Variants in DSP observed in about 807,000 individuals in gnomAD.
DSP encodes the protein 250/210 kDa paraneoplastic pemphigus antigen.
In DSP, 114 loss-of-function variants were observed where a neutral mutation model predicts 290.6. The ratio of observed to expected loss-of-function variants is 0.39; its 90% CI spans 0.34 to 0.46. The LOEUF is 0.46. DSP is among the 20% of genes least tolerant of loss of function. DSP has a pLI of 0.99. For synonymous variants in DSP, 1,311 were observed against 1,316.4 expected (o/e 1.00, Z 0.09); for missense variants, 3,230 against 3,495.8 (o/e 0.92, Z 1.92).
chr6:7,585,653 C>A lies in DSP; in HGVS notation c.8391C>A (p.Ile2797=), dbSNP rs372909009. The A allele has an allele frequency of 3.7e-6, 6 of 1,614,232 alleles. No individual in the cohort carries two copies. Among genetic ancestry groups the A allele is most frequent in the South Asian group, 1.1e-5 (1 of 91,086 alleles). Residue 2797 remains isoleucine (I), a synonymous_variant, in exon 24 of 24, where the codon ATC becomes ATA. Coordinates refer to ENST00000379802, the MANE Select transcript of DSP (RefSeq NM_004415.4). ...TAAATCGCTCCATGGTAGAAGATATCACTGGGCTGCGCCTTCTGGAAGCCG... is the reference window on the plus strand; with the variant it reads ...TAAATCGCTCCATGGTAGAAGATATAACTGGGCTGCGCCTTCTGGAAGCCG... ...DAINRSMVED[I]TGLRLLEAAS... is the part of the protein sequence containing the mutation.
intron 3 of DSP, 147 bp from the exon 4 acceptor site, chr6:7,559,079 G>T: frequency 1.2e-6 from 1 of 857,666 alleles, no homozygotes; most frequent in Non-Finnish European, 1.8e-6. Flanking sequence ...CTTAAGTCCT[G>T]GGGTAAAGAA....
At chr6:7,574,301 T>C (rs755655811) in intron 16 of DSP, 49 bp downstream of exon 16, 25 of 1,575,630 alleles carry the variant, frequency 1.6e-5, no homozygotes, top group Non-Finnish European at 2.0e-5. Context: ...TCAAGCTTCT[T>C]TTTCTGGGTC....
At chr6:7,554,420 A>G (rs1758442770) in intron 1 of DSP, among the ~76,000 whole-genome samples, 2 of 151,956 alleles carry the variant, frequency 1.3e-5, no homozygotes, top group Admixed American at 1.3e-4. Flanking sequence ...CGCCAACACC[A>G]CCGTTGTTTT....
In DSP at chr6:7,555,797, C is replaced by T. The variant is rs768521444; in HGVS notation, c.250C>T (p.Arg84Ter). ...GCAGAACTGCTCCGACTGCTTGATG[C>T]GAGCAGAGCTCATCGTGCAGCCTGT... is the stretch of plus-strand genomic sequence containing the variant. ...LLQNCSDCLM[R>*]AELIVQPELK... Residue 84 changes from arginine to a stop codon, truncating the protein, a stop_gained, in exon 2 of 24, where the codon CGA (arginine) becomes TGA (stop). Coordinates refer to ENST00000379802, the MANE Select transcript of DSP (RefSeq NM_004415.4). LOFTEE classifies it high-confidence loss of function. The T allele has an allele frequency of 1.9e-6, 3 of 1,614,140 alleles. No homozygotes were observed. The highest frequency in any genetic ancestry group is 1.3e-5 in the African/African-American group (1 of 75,066).
intron 15 of DSP, among the ~76,000 whole-genome samples, chr6:7,573,812 G>T (rs1348836520): frequency 6.6e-6 from 1 of 152,166 alleles, no homozygotes; most frequent in East Asian, 1.9e-4. Flanking sequence ...ATTTGTGTGG[G>T]ATGAATAAAT....
At chr6:7,564,776 A>G (rs1758805423) in intron 6 of DSP, among the ~76,000 whole-genome samples, 1 of 151,832 alleles carries the variant, frequency 6.6e-6, no homozygotes, top group African/African-American at 2.4e-5. Context: ...ATGTGTCCAG[A>G]TATCATGTGT....
Position 7,583,123 on chromosome 6 carries a change from A to C in DSP, c.5861A>C (p.Gln1954Pro). 6.2e-7 allele frequency: 1 copy of C among 1,614,150 alleles called. No individual in the cohort carries two copies. The highest frequency in any genetic ancestry group is 8.5e-7 in the Non-Finnish European group (1 of 1,180,030). ...CCATATGGGTCCCATCGAGAGACCC[A>C]GACTGAGTGTGAGTGGACCGTTGAC... ...QRPYGSHRET[Q>P]TECEWTVDTS... Residue 1954 changes from glutamine (Q) to proline (P), a missense_variant, in exon 24 of 24, where the codon CAG becomes CCG. Transcript: ENST00000379802. This position sits in a 1 kb window ranked among gnomAD's most constrained non-coding sequence, Gnocchi z 4.0.
chr6:7,549,337 C>T (rs1047702903), intron 1 of DSP, among the ~76,000 whole-genome samples: 5 of 152,074 alleles, frequency 3.3e-5, no homozygotes, highest in East Asian at 1.9e-4. Flanking sequence ...TTAGTAGAGA[C>T]GGGGTTTCTC....
intron 1 of DSP, among the ~76,000 whole-genome samples, chr6:7,545,627 T>C (rs1415887815): frequency 6.7e-6 from 1 of 148,974 alleles, no homozygotes; most frequent in African/African-American, 2.5e-5. Flanking sequence ...TTGAAAGGAG[T>C]GTAGGCCCTT....
rs749357787 is a variant in DSP at position 7,579,254 on chromosome 6, A to C, written c.3085-21A>C. On this transcript the variant is annotated intron_variant, in intron 22 of 23. Transcript: ENST00000379802. This position sits in a 1 kb window ranked among gnomAD's most constrained non-coding sequence, Gnocchi z 4.1. ...TGTGAGGTGTTTTTCTTTTGACATA[A>C]TCTCTGATTTCATTCCACAGCTGAA... 1 of 1,613,634 alleles carries C rather than the reference A, an allele frequency of 6.2e-7. No homozygotes were observed. The highest frequency in any genetic ancestry group is 1.3e-5 in the African/African-American group (1 of 75,024).
In DSP at chr6:7,584,267, T is replaced by C; in HGVS notation, c.7005T>C (p.Ala2335=). The change falls in exon 24 of 24, where the codon GCT becomes GCC. Residue 2335 remains alanine (A), a synonymous_variant. Transcript: ENST00000379802. This position sits in a 1 kb window ranked among gnomAD's most constrained non-coding sequence, Gnocchi z 6.4. ...AGAAGCTCCTGTCTGCAGAACGAGC[T>C]GTCACTGGGTATAATGATCCTGAAA... ...FKEKLLSAER[A]VTGYNDPETG... 1 of 1,614,184 alleles carries C rather than the reference T, an allele frequency of 6.2e-7. No individual in the cohort carries two copies. Among genetic ancestry groups the C allele is most frequent in the Non-Finnish European group, 8.5e-7 (1 of 1,180,036 alleles).
In DSP at chr6:7,565,854, G is replaced by A. The variant is rs894106933; in HGVS notation, c.939+334G>A. 2.5e-6 allele frequency: 1 copy of A among 394,996 alleles called. No homozygotes were observed. Among genetic ancestry groups the A allele is most frequent in the Non-Finnish European group, 4.8e-6 (1 of 208,118 alleles). The allele number at this position is 394,996 out of a possible 1,614,324, so 24.5% of individuals were successfully genotyped here. ...AGGGTGGAGGTGGAAGGAGGGAGAG[G>A]ATCAGGCAAGATAACTAATGGGTAC... is the stretch of plus-strand genomic sequence containing the variant. On this transcript the variant is annotated intron_variant, in intron 7 of 23. Transcript: ENST00000379802. The surrounding 1 kb of genome is among the most constrained non-coding windows in gnomAD (Gnocchi z 4.2).
Position 7,541,912 on chromosome 6 carries a change from C to T in DSP, c.-4C>T, listed in dbSNP as rs1757987216. 3.1e-6 allele frequency: 5 copies of T among 1,603,670 alleles called. No individual in the cohort carries two copies. The highest frequency in any genetic ancestry group is 1.4e-5 in the African/African-American group (1 of 72,722). On this transcript the variant is annotated 5_prime_UTR_variant, in exon 1 of 24. Transcript: ENST00000379802. ...CTGAGCCGCTCTCCCGATTGCCCGC[C>T]GACATGAGCTGCAACGGAGGCTCCC...
chr6:7,564,090 G>A (rs1758787738), intron 6 of DSP, among the ~76,000 whole-genome samples: 1 of 152,172 alleles, frequency 6.6e-6, no homozygotes, highest in African/African-American at 2.4e-5. Context: ...GAGCCACTGC[G>A]CCCGGCCTAA....
At chr6:7,544,567 AC>A (rs752036553) in intron 1 of DSP, among the ~76,000 whole-genome samples, 57 of 151,584 alleles carry the variant, frequency 3.8e-4, no homozygotes, top group South Asian at 4.2e-4. Flanking sequence ...AAAAACTGCT[AC>A]TTTATGGCTG....
At position 7,585,147 on chromosome 6, in the gene DSP, G is replaced by C; in HGVS notation, c.7885G>C (p.Glu2629Gln). 1 of 1,614,122 alleles carries C rather than the reference G, an allele frequency of 6.2e-7. No individual in the cohort carries two copies. The highest frequency in any genetic ancestry group is 1.1e-5 in the South Asian group (1 of 91,082). The change falls in exon 24 of 24, where the codon GAG (glutamate) becomes CAG (glutamine). Residue 2629 changes from glutamate (E) to glutamine (Q), a missense_variant. Transcript: ENST00000379802. ...IAAIFDTENLEKISITEGIER... is the reference protein window; with the variant it reads ...IAAIFDTENLQKISITEGIER... Reference sequence around the variant, plus strand: ...AGCCATCTTTGACACAGAAAACCTGGAGAAAATCTCCATTACAGAAGGTAT... The same window carrying C: ...AGCCATCTTTGACACAGAAAACCTGCAGAAAATCTCCATTACAGAAGGTAT...
rs1423503309 is a variant in DSP, at chr6:7,581,049, A to G, written c.4859A>G (p.Glu1620Gly). 6.2e-7 allele frequency: 1 copy of G among 1,613,976 alleles called. No homozygotes were observed. The highest frequency in any genetic ancestry group is 1.3e-5 in the African/African-American group (1 of 74,946). The change falls in exon 23 of 24, where the codon GAG becomes GGG. Residue 1620 changes from glutamate (E) to glycine (G), a missense_variant. Glu to Gly is a moderately conservative substitution (Grantham distance 98). Around this residue, in one of 5 missense-constraint regions of DSP, gnomAD observed 1,714 missense variants for 1,844.5 expected, o/e 0.93. Coordinates refer to ENST00000379802, the MANE Select transcript of DSP (RefSeq NM_004415.4). ...IKITNLTQQL[E>G]QASIVKKRSE... ...ATCACCAACCTGACCCAGCAGCTGGAGCAGGCATCCATTGTTAAGAAGAGG... is the reference window on the plus strand; with the variant it reads ...ATCACCAACCTGACCCAGCAGCTGGGGCAGGCATCCATTGTTAAGAAGAGG...
rs771360059 is a variant in DSP, at chr6:7,566,439, C to A, written c.1002C>A (p.Asp334Glu). ...TCAATAAGCTGAAACAAGAAAGTGACCAACTTGTCCTCAATCAGCATCCAG... is the reference window on the plus strand; with the variant it reads ...TCAATAAGCTGAAACAAGAAAGTGAACAACTTGTCCTCAATCAGCATCCAG... The part of the protein sequence containing the change: ...KELNKLKQES[D>E]QLVLNQHPAS... The change falls in exon 8 of 24, where the codon GAC becomes GAA. Residue 334 changes from aspartate to glutamate, a missense_variant. Coordinates refer to ENST00000379802, the MANE Select transcript of DSP (RefSeq NM_004415.4). The A allele has an allele frequency of 3.7e-6, 6 of 1,613,814 alleles. No individual in the cohort carries two copies. In the East Asian group the frequency reaches 1.1e-4, roughly 30 times the overall value.
intron 16 of DSP, 44 bp downstream of exon 16, chr6:7,574,296 C>G (rs1309337037): frequency 6.3e-7 from 1 of 1,589,116 alleles, no homozygotes; most frequent in East Asian, 2.2e-5. Context: ...TTTTCTCAAG[C>G]TTCTTTTTCT....
Sources: gnomAD v4.1 joint callset for allele counts (sites outside exome capture counted in the v4.1 genomes callset) on GRCh38, gnomAD v4.1.1 for gene constraint, gnomAD v4.1.1 regional missense constraint, Gnocchi (gnomAD v3.1) non-coding constraint, MANE v1.5 for transcripts, NCBI Gene and HGNC (gene_info 2026-07-23, HGNC 2026-07-21) for gene names.